Variants in MYB observed in about 807,000 individuals in gnomAD.
MYB encodes the protein transcriptional activator Myb.
MYB carries 28 observed loss-of-function variants against 92.9 expected under a neutral mutation model. The observed-to-expected ratio is 0.30, with a 90% CI of 0.22 to 0.41. The LOEUF (loss-of-function observed/expected upper bound fraction) is 0.41. MYB is among the 10% of genes least tolerant of loss of function. The pLI, the probability that MYB is intolerant of heterozygous loss-of-function variation, is 1.00. For missense variants in MYB, 679 were observed against 929.3 expected (o/e 0.73, Z 3.50); for synonymous variants, 295 against 329.1 (o/e 0.90, Z 1.12).
intron 8 of MYB, 178 bp from the exon 9 acceptor site, chr6:135,195,570 T>A: frequency 1.5e-6 from 1 of 651,646 alleles, no homozygotes; most frequent in East Asian, 2.7e-5. Flanking sequence ...AAAAACAGGG[T>A]CTTGCATTGA....
rs770089949 is a variant in MYB at position 135,190,306 on chromosome 6, G to A, written c.486G>A (p.Leu162=). The A allele has an allele frequency of 6.2e-7, 1 of 1,614,162 alleles. No homozygotes were observed. Among genetic ancestry groups the A allele is most frequent in the Admixed American group, 1.7e-5 (1 of 60,024 alleles). The change falls in exon 5 of 16, where the codon CTG becomes CTA. Residue 162 remains leucine (L), a synonymous_variant. Coordinates refer to ENST00000341911, the MANE Select transcript of MYB (RefSeq NM_001130173.2). This position sits in a 1 kb window ranked among gnomAD's most constrained non-coding sequence, Gnocchi z 4.5. ...DRIIYQAHKR[L]GNRWAEIAKL... ...TTATTTACCAGGCACACAAGAGACT[G>A]GGGAACAGATGGGCAGAAATCGCAA...
intron 8 of MYB, 24 bp downstream of exon 8, chr6:135,194,484 A>G: frequency 6.5e-7 from 1 of 1,539,956 alleles, no homozygotes; most frequent in Non-Finnish European, 9.0e-7. Context: ...CATGTGCTTG[A>G]ATGAGGGGAT....
In MYB at chr6:135,194,275, A is replaced by T. The variant is rs565541428; in HGVS notation, c.844-81A>T. 4.6e-5 allele frequency: 50 copies of T among 1,081,358 alleles called. No homozygotes were observed. The East Asian group carries it at 9.2e-4, about 20-fold the overall frequency. The allele number at this position is 1,081,358 out of a possible 1,614,324, so 67.0% of individuals were successfully genotyped here. On this transcript the variant is annotated intron_variant, in intron 7 of 15. Transcript: ENST00000341911. ...GGCTCTTTGGGCTGTGCGGCACCTC[A>T]TGACCATATTGGCTACACCCATTGT...
At position 135,194,807 on chromosome 6, in the gene MYB, G is replaced by A. The variant is rs1369724524; in HGVS notation, c.948+347G>A. Reference sequence around the variant, plus strand: ...CTATGTATCTATATGGTACCATTTTGGTTTTTTTCTATTATTTTGTTAACC... The same window carrying A: ...CTATGTATCTATATGGTACCATTTTAGTTTTTTTCTATTATTTTGTTAACC... On this transcript the variant is annotated intron_variant, in intron 8 of 15. Transcript: ENST00000341911. 41 of 795,934 alleles carry A rather than the reference G, an allele frequency of 5.2e-5. 1 individual carries two copies. Among genetic ancestry groups the A allele is most frequent in the South Asian group, 3.2e-4 (14 of 44,178 alleles). The allele number at this position is 795,934 out of a possible 1,614,324, so 49.3% of individuals were successfully genotyped here.
In MYB at chr6:135,196,885, A is replaced by T. The variant is rs900911883; in HGVS notation, c.1204-76A>T. On this transcript the variant is annotated intron_variant, in intron 9 of 15. Transcript: ENST00000341911. ...GCCTAGTGTTTGCTTTGCGTTGAGC[A>T]TCTCTCTCTCAGTGCTGTTTCAGGT... 7 of 1,585,156 alleles carry T rather than the reference A, an allele frequency of 4.4e-6. No individual in the cohort carries two copies. In the Admixed American group the frequency reaches 1.2e-4, roughly 27 times the overall value.
intron 15 of MYB, among the ~76,000 whole-genome samples, chr6:135,206,165 CA>C (rs1219902476): frequency 2.3e-5 from 3 of 133,238 alleles, no homozygotes; most frequent in African/African-American, 8.5e-5. Context: ...GAGATAGCGC[CA>C]CTACACTCCG....
intron 14 of MYB, 131 bp downstream of exon 14, chr6:135,201,880 G>T (rs1406369084): frequency 2.3e-6 from 1 of 431,574 alleles, no homozygotes; most frequent in African/African-American, 2.0e-5. Context: ...ATGTTCTCCT[G>T]CACATGATTT....
At chr6:135,206,205 C>CAAAAAAAAAA (rs67836018) in intron 15 of MYB, among the ~76,000 whole-genome samples, 13 of 87,326 alleles carry the variant, frequency 1.5e-4, no homozygotes, top group Non-Finnish European at 1.7e-4. Flanking sequence ...GACTCCATCT[C>CAAAAAAAAAA]AAAAAAAAAA....
intron 8 of MYB, chr6:135,194,858 G>T: frequency 9.2e-7 from 1 of 1,089,158 alleles, no homozygotes. Flanking sequence ...TATAATTTCA[G>T]ACATGATTTG....
At chr6:135,187,998 A>AT (rs2128286657) in intron 3 of MYB, 93 bp downstream of exon 3, 1 of 791,194 alleles carries the variant, frequency 1.3e-6, no homozygotes, top group East Asian at 2.8e-5. Flanking sequence ...ATAGTGTATA[A>AT]TTTACTCACA....
intron 14 of MYB, chr6:135,202,869 A>G: frequency 2.0e-6 from 1 of 508,672 alleles, no homozygotes. Flanking sequence ...GTACCAATAT[A>G]TGAAATAAAG....
At position 135,200,734 on chromosome 6, in the gene MYB, G is replaced by A. The variant is rs1777953784; in HGVS notation, c.1950+319G>A. 3.2e-5 allele frequency: 10 copies of A among 314,036 alleles called. 1 individual carries two copies. Among genetic ancestry groups the A allele is most frequent in the South Asian group, 3.1e-4 (10 of 32,372 alleles). 19.5% of individuals were successfully genotyped at this position (314,036 alleles called of 1,614,324 possible). On this transcript the variant is annotated intron_variant, in intron 13 of 15. Coordinates refer to ENST00000341911, the MANE Select transcript of MYB (RefSeq NM_001130173.2). ...TAAAGTTGATATTTCATTTTTAGAT[G>A]TGAAGAATTGGAATTTAAATTAAAA...
chr6:135,197,453 A>G, intron 10 of MYB, 130 bp downstream of exon 10: 1 of 922,184 alleles, frequency 1.1e-6, no homozygotes, highest in South Asian at 1.7e-5. Flanking sequence ...CTGTCGTTGA[A>G]TCTAGCTGTT....
At position 135,212,891 on chromosome 6, in the gene MYB, C is replaced by T. The variant is rs141117360; in HGVS notation, c.2170-4973C>T. ...TCTTCCTTTGTCAAAATAATTCTTTCTGCATGAAAAGTTGGCATGGGGCTC... is the reference window on the plus strand; with the variant it reads ...TCTTCCTTTGTCAAAATAATTCTTTTTGCATGAAAAGTTGGCATGGGGCTC... On this transcript the variant is annotated intron_variant, in intron 15 of 15. Transcript: ENST00000341911. Among the ~76,000 whole-genome samples, 578 of 152,316 alleles carry T rather than the reference C, an allele frequency of 3.8e-3. 1 individual carries two copies. The highest frequency in any genetic ancestry group is 6.0e-3 in the South Asian group (29 of 4,826).
chr6:135,213,099 C>T (rs1347035062), intron 15 of MYB, among the ~76,000 whole-genome samples: 2 of 152,150 alleles, frequency 1.3e-5, no homozygotes, highest in African/African-American at 2.4e-5. Context: ...GGAGCTGCCT[C>T]GCTCATGCTT....
intron 15 of MYB, among the ~76,000 whole-genome samples, chr6:135,212,483 TTC>T (rs1435123257): frequency 1.3e-5 from 2 of 152,164 alleles, no homozygotes; most frequent in African/African-American, 2.4e-5. Context: ...TTTTTATTTC[TTC>T]TGTTTTCTAC....
chr6:135,198,105 T>C (rs1354107227), intron 10 of MYB, among the ~76,000 whole-genome samples: 5 of 152,230 alleles, frequency 3.3e-5, no homozygotes, highest in Admixed American at 2.0e-4. Flanking sequence ...AGGTATGATA[T>C]AGGTATATAC....
chr6:135,214,956 G>A (rs1170521950), intron 15 of MYB, among the ~76,000 whole-genome samples: 1 of 152,160 alleles, frequency 6.6e-6, no homozygotes, highest in African/African-American at 2.4e-5. Context: ...ATACCTGTCT[G>A]TTATCTTTGT....
At chr6:135,195,417 G>T in intron 8 of MYB, 1 of 305,214 alleles carries the variant, frequency 3.3e-6, no homozygotes, top group Non-Finnish European at 6.2e-6. Context: ...CTCACAGCAA[G>T]CATTTATGGA....
Sources: gnomAD v4.1 joint callset for allele counts (sites outside exome capture counted in the v4.1 genomes callset) on GRCh38, gnomAD v4.1.1 for gene constraint, Gnocchi (gnomAD v3.1) non-coding constraint, MANE v1.5 for transcripts, NCBI Gene and HGNC (gene_info 2026-07-23, HGNC 2026-07-21) for gene names.